Variants in DYNC1I1 observed in about 807,000 individuals in gnomAD.
DYNC1I1 encodes the protein cytoplasmic dynein 1 intermediate chain 1.
Under a neutral mutation model 86.6 loss-of-function variants are expected in DYNC1I1, and 43 were observed. The ratio of observed to expected loss-of-function variants is 0.50; its 90% CI spans 0.39 to 0.64. The LOEUF (loss-of-function observed/expected upper bound fraction) is 0.64. Ranked by LOEUF, DYNC1I1 falls within the 30% of genes least tolerant of loss-of-function variation. The pLI, the probability that DYNC1I1 is intolerant of heterozygous loss-of-function variation, is 0.00. For synonymous variants in DYNC1I1, 262 were observed against 283.7 expected (o/e 0.92, Z 0.77); for missense variants, 604 against 788.8 (o/e 0.77, Z 2.81).
chr7:96,010,107 T>C (rs1317073939), intron 10 of DYNC1I1, among the ~76,000 whole-genome samples: 1 of 152,204 alleles, frequency 6.6e-6, no homozygotes, highest in Non-Finnish European at 1.5e-5. Flanking sequence ...GTACTGAAGC[T>C]ACAATGATAA....
At chr7:96,093,729 A>G (rs1057206234) in intron 16 of DYNC1I1, among the ~76,000 whole-genome samples, 1 of 152,126 alleles carries the variant, frequency 6.6e-6, no homozygotes, top group African/African-American at 2.4e-5. Context: ...TTCCAGATCC[A>G]CATTGACTTA....
intron 3 of DYNC1I1, among the ~76,000 whole-genome samples, chr7:95,811,345 A>G (rs1205267304): frequency 6.6e-6 from 1 of 152,148 alleles, no homozygotes; most frequent in Non-Finnish European, 1.5e-5. Context: ...AGAATACATA[A>G]AAATAAATAC....
intron 5 of DYNC1I1, among the ~76,000 whole-genome samples, chr7:95,853,635 A>G (rs1028563786): frequency 2.6e-5 from 4 of 152,152 alleles, no homozygotes; most frequent in African/African-American, 9.7e-5. Flanking sequence ...ATATCCTACA[A>G]CTGATGGATG....
intron 5 of DYNC1I1, among the ~76,000 whole-genome samples, chr7:95,857,473 T>C (rs1205123453): frequency 1.3e-5 from 2 of 152,198 alleles, no homozygotes; most frequent in African/African-American, 4.8e-5. Flanking sequence ...GAGGGCACTT[T>C]GGAAGAGGAG....
chr7:95,836,592 C>T (rs1379325183), intron 5 of DYNC1I1, among the ~76,000 whole-genome samples: 6 of 150,752 alleles, frequency 4.0e-5, no homozygotes, highest in Non-Finnish European at 8.9e-5. Flanking sequence ...CTCCCCGTCA[C>T]CTTCAGGTAC....
chr7:95,968,822 CTCTGTGTGTGTGTGTGTG>C (rs1171501634), intron 6 of DYNC1I1, among the ~76,000 whole-genome samples: 8 of 133,534 alleles, frequency 6.0e-5, no homozygotes, highest in Non-Finnish European at 1.3e-4. Flanking sequence ...GAATTTTTTG[CTCTGTGTGTGTGTGTGTG>C]TGTGTGTGTG....
chr7:95,900,487 A>G (rs961726406), intron 6 of DYNC1I1, among the ~76,000 whole-genome samples: 15 of 152,152 alleles, frequency 9.9e-5, no homozygotes, highest in African/African-American at 3.6e-4. Flanking sequence ...TTGCTGGAGA[A>G]GCTGCACTTG....
chr7:95,798,005 ATGT>A (rs1794485924), intron 1 of DYNC1I1, among the ~76,000 whole-genome samples: 2 of 152,112 alleles, frequency 1.3e-5, no homozygotes, highest in Admixed American at 1.3e-4. Flanking sequence ...AATAACATGT[ATGT>A]TGTTATTTTA....
chr7:95,895,989 T>G (rs76175905), intron 6 of DYNC1I1, among the ~76,000 whole-genome samples: 4,805 of 152,240 alleles, frequency 0.032, 157 homozygotes, highest in East Asian at 0.16. Context: ...TTTCCCCTCC[T>G]AGGGCAGTTA....
intron 1 of DYNC1I1, among the ~76,000 whole-genome samples, chr7:95,785,145 T>C (rs933193136): frequency 5.9e-5 from 9 of 152,194 alleles, no homozygotes; most frequent in Non-Finnish European, 8.8e-5. Context: ...ATAAGAGGTC[T>C]GGAGCAGTGG....
chr7:95,921,053 C>A (rs1382064251), intron 6 of DYNC1I1, among the ~76,000 whole-genome samples: 1 of 152,124 alleles, frequency 6.6e-6, no homozygotes, highest in Admixed American at 6.6e-5. Flanking sequence ...CCTTTCTGTG[C>A]ACATTGCTAT....
intron 13 of DYNC1I1, among the ~76,000 whole-genome samples, chr7:96,036,671 T>G (rs1286287230): frequency 6.6e-6 from 1 of 152,180 alleles, no homozygotes; most frequent in Non-Finnish European, 1.5e-5. Flanking sequence ...TGATATATAA[T>G]GTAATCCATC....
chr7:95,806,725 G>A (rs1266457991), intron 2 of DYNC1I1, among the ~76,000 whole-genome samples: 8 of 152,106 alleles, frequency 5.3e-5, no homozygotes, highest in African/African-American at 1.2e-4. Context: ...TTTGGGATCC[G>A]TTGGACCACA....
intron 14 of DYNC1I1, among the ~76,000 whole-genome samples, chr7:96,043,385 T>C (rs1789115043): frequency 6.6e-6 from 1 of 152,110 alleles, no homozygotes; most frequent in Admixed American, 6.5e-5. Context: ...TCTCTGAATT[T>C]AGAAGATACA....
chr7:95,927,948 G>A (rs752532557), intron 6 of DYNC1I1, among the ~76,000 whole-genome samples: 8 of 152,174 alleles, frequency 5.3e-5, no homozygotes, highest in Admixed American at 2.0e-4. Context: ...GGGTAGCAGC[G>A]TCTGTTTCAC....
intron 6 of DYNC1I1, among the ~76,000 whole-genome samples, chr7:95,878,623 G>A (rs1478806300): frequency 6.6e-6 from 1 of 151,990 alleles, no homozygotes; most frequent in Non-Finnish European, 1.5e-5. Flanking sequence ...ACCTGTAACA[G>A]GAATGCCAGA....
intron 5 of DYNC1I1, among the ~76,000 whole-genome samples, chr7:95,839,599 C>G (rs1233412335): frequency 6.6e-6 from 1 of 151,978 alleles, no homozygotes; most frequent in African/African-American, 2.4e-5. Context: ...AGCTGTTTAC[C>G]CACCACCTTT....
intron 4 of DYNC1I1, among the ~76,000 whole-genome samples, chr7:95,822,131 C>T (rs1449692613): frequency 6.6e-6 from 1 of 152,158 alleles, no homozygotes. Flanking sequence ...TTATGTCTTT[C>T]ACTCCTAAGT....
At position 96,015,582 on chromosome 7, in the gene DYNC1I1, T is replaced by G. The variant is rs1051344740; in HGVS notation, c.970-12593T>G. 2.6e-5 allele frequency among the ~76,000 whole-genome samples: 4 copies of G among 152,218 alleles called. No homozygotes were observed. The East Asian group carries it at 7.7e-4, about 29-fold the overall frequency. On this transcript the variant is annotated intron_variant, in intron 10 of 16. Coordinates refer to ENST00000447467, the MANE Select transcript of DYNC1I1 (RefSeq NM_001135556.2). ...ATCTCTTGGTTTGTTATTTTGTCCT[T>G]TTAAAAACCAGCTCAAGTTGAACTC... is the stretch of plus-strand genomic sequence containing the variant.
Sources: gnomAD v4.1 joint callset for allele counts (sites outside exome capture counted in the v4.1 genomes callset) on GRCh38, gnomAD v4.1.1 for gene constraint, MANE v1.5 for transcripts, NCBI Gene and HGNC (gene_info 2026-07-23, HGNC 2026-07-21) for gene names.